The following MARCHF1 variants were observed in gnomAD, a reference collection of about 807,000 sequenced individuals.
MARCHF1 encodes membrane associated ring-CH-type finger 1, also known as E3 ubiquitin-protein ligase MARCHF1.
Under a neutral mutation model 54.2 loss-of-function variants are expected in MARCHF1, and 40 were observed. The observed-to-expected ratio is 0.74, with a 90% CI of 0.57 to 0.96. MARCHF1 has a LOEUF of 0.96. Ranked by LOEUF, MARCHF1 falls within the 40% of genes least tolerant of loss-of-function variation. The probability of loss-of-function intolerance (pLI) is 0.00; values close to 1 mark genes in which losing one functional copy is unlikely to be tolerated. For synonymous variants in MARCHF1, 236 were observed against 236.3 expected, an observed-to-expected ratio of 1.00 and a Z score of 0.01; for missense variants, 586 against 656.5, an observed-to-expected ratio of 0.89 and a Z score of 1.17.
intron 4 of MARCHF1, among the ~76,000 whole-genome samples, chr4:163,717,157 C>T (rs1745289304): frequency 8.1e-6 from 1 of 123,356 alleles, no homozygotes; most frequent in Non-Finnish European, 1.6e-5. Context: ...TCCCCCCACC[C>T]CATAACAGGC....
At chr4:163,778,764 A>G (rs1747376685) in intron 4 of MARCHF1, among the ~76,000 whole-genome samples, 1 of 152,150 alleles carries the variant, frequency 6.6e-6, no homozygotes, top group Non-Finnish European at 1.5e-5. Flanking sequence ...GACAAATACC[A>G]CATGTTCTCA....
At position 163,844,513 on chromosome 4, in the gene MARCHF1, C is replaced by G. The variant is rs112024895; in HGVS notation, c.111+9508G>C. Among the ~76,000 whole-genome samples the G allele has an allele frequency of 6.9e-3, 1,055 of 151,962 alleles. 11 individuals are homozygous for G. The highest frequency in any genetic ancestry group is 0.024 in the African/African-American group (1,008 of 41,444). On this transcript the variant is annotated intron_variant, in intron 4 of 9. Transcript: ENST00000514618. ...TTATTTGCCAAGGCCGATGTGACTA[C>G]GTTAATGAGGATAAGGATTGTGTCT...
intron 4 of MARCHF1, among the ~76,000 whole-genome samples, chr4:163,818,770 T>A (rs1002332896): frequency 1.3e-5 from 2 of 152,156 alleles, no homozygotes; most frequent in Non-Finnish European, 2.9e-5. Flanking sequence ...TCTCTCAAGT[T>A]GTGGTTATTT....
chr4:163,904,267 T>C (rs1451544737), intron 3 of MARCHF1, among the ~76,000 whole-genome samples: 3 of 152,188 alleles, frequency 2.0e-5, no homozygotes, highest in Non-Finnish European at 1.5e-5. Flanking sequence ...AAAGAAAAGC[T>C]GAACAACTTC....
At chr4:164,192,187 T>C (rs1028622049) in intron 1 of MARCHF1, among the ~76,000 whole-genome samples, 46 of 152,210 alleles carry the variant, frequency 3.0e-4, no homozygotes, top group African/African-American at 1.0e-3. Flanking sequence ...AATAGCTAAG[T>C]ATACGATTAT....
chr4:164,141,723 A>G (rs1756540519), intron 1 of MARCHF1, among the ~76,000 whole-genome samples: 1 of 152,200 alleles, frequency 6.6e-6, no homozygotes, highest in Non-Finnish European at 1.5e-5. Flanking sequence ...GTTGAAAATC[A>G]CCTTTATAAA....
intron 2 of MARCHF1, among the ~76,000 whole-genome samples, chr4:163,992,250 A>T (rs1230589987): frequency 6.6e-6 from 1 of 152,116 alleles, no homozygotes; most frequent in African/African-American, 2.4e-5. Flanking sequence ...TTTCTGAACC[A>T]TGCTAGGAAT....
chr4:163,742,567 C>CAGAAA (rs1746237952), intron 4 of MARCHF1, among the ~76,000 whole-genome samples: 2 of 152,032 alleles, frequency 1.3e-5, no homozygotes, highest in South Asian at 4.1e-4. Context: ...CCCTCAGCTT[C>CAGAAA]TTGGGCTCAA....
chr4:164,278,293 G>A (rs373242023), intron 1 of MARCHF1, among the ~76,000 whole-genome samples: 6 of 152,306 alleles, frequency 3.9e-5, no homozygotes, highest in East Asian at 3.9e-4. Context: ...CTGGGTAATA[G>A]AGTAAGACCC....
chr4:163,726,233 T>G (rs1400538632), intron 4 of MARCHF1, among the ~76,000 whole-genome samples: 1 of 152,194 alleles, frequency 6.6e-6, no homozygotes, highest in Non-Finnish European at 1.5e-5. Context: ...TATATGTTAA[T>G]AGTTTCACTT....
chr4:164,043,116 G>A (rs898063186), intron 2 of MARCHF1, among the ~76,000 whole-genome samples: 1 of 152,116 alleles, frequency 6.6e-6, no homozygotes, highest in Non-Finnish European at 1.5e-5. Context: ...CTACCTTTCT[G>A]GGGTATGGAG....
intron 1 of MARCHF1, among the ~76,000 whole-genome samples, chr4:164,211,352 T>G (rs1731767385): frequency 8.7e-6 from 1 of 114,362 alleles, no homozygotes; most frequent in Admixed American, 8.3e-5. Context: ...TATATATATA[T>G]ATACCACATT....
intron 5 of MARCHF1, among the ~76,000 whole-genome samples, chr4:163,665,290 G>T (rs184670578): frequency 1.5e-3 from 232 of 152,144 alleles, no homozygotes; most frequent in African/African-American, 5.4e-3. Context: ...TGCGTAAAAG[G>T]TTCTTTCAAG....
intron 1 of MARCHF1, among the ~76,000 whole-genome samples, chr4:164,202,144 C>G (rs546431053): frequency 6.6e-6 from 1 of 152,094 alleles, no homozygotes; most frequent in Non-Finnish European, 1.5e-5. Flanking sequence ...AGTTTCAGTA[C>G]GGGAGCCAAG....
chr4:163,670,601 C>A (rs532094007), intron 5 of MARCHF1, among the ~76,000 whole-genome samples: 57 of 150,874 alleles, frequency 3.8e-4, no homozygotes, highest in African/African-American at 1.4e-3. Flanking sequence ...CTTTCTCTCT[C>A]TATATATTTT....
At chr4:163,799,220 G>C (rs530276788) in intron 4 of MARCHF1, among the ~76,000 whole-genome samples, 26 of 152,228 alleles carry the variant, frequency 1.7e-4, no homozygotes, top group Middle Eastern at 3.4e-3. Context: ...TGCGGACTGA[G>C]AGCATTTTCA....
At chr4:164,153,780 T>G (rs2110916475) in intron 1 of MARCHF1, among the ~76,000 whole-genome samples, 1 of 152,254 alleles carries the variant, frequency 6.6e-6, no homozygotes, top group South Asian at 2.1e-4. Context: ...AAATCTAAAT[T>G]TATGCTTTTA....
intron 1 of MARCHF1, among the ~76,000 whole-genome samples, chr4:164,265,488 A>G (rs1374435130): frequency 2.4e-5 from 2 of 84,802 alleles, no homozygotes; most frequent in Non-Finnish European, 4.1e-5. Context: ...TTGAAAAGGA[A>G]TACTGAGTAG....
intron 2 of MARCHF1, among the ~76,000 whole-genome samples, chr4:164,053,061 GT>G (rs939904105): frequency 2.0e-5 from 3 of 152,086 alleles, no homozygotes; most frequent in Non-Finnish European, 4.4e-5. Context: ...AACAACTCAA[GT>G]TTTTTAATAA....
Sources: allele counts gnomAD v4.1 joint callset (sites outside exome capture counted in the v4.1 genomes callset), GRCh38; gene constraint gnomAD v4.1.1; transcripts MANE v1.5; gene names NCBI Gene and HGNC (gene_info 2026-07-23, HGNC 2026-07-21).